Variants in CAPN9 observed in about 807,000 individuals in gnomAD.
The protein encoded by CAPN9 is calpain 9.
A neutral mutation model predicts 92.8 loss-of-function variants in CAPN9; 81 were observed. The observed-to-expected ratio is 0.87, with a 90% confidence interval of 0.73 to 1.05. The LOEUF is 1.05. CAPN9 is among the 50% of genes least tolerant of loss of function. The pLI, the probability that CAPN9 is intolerant of heterozygous loss-of-function variation, is 0.00. For synonymous variants in CAPN9, 304 were observed against 328.0 expected, an observed-to-expected ratio of 0.93 and a Z score of 0.79; for missense variants, 848 against 866.2, an observed-to-expected ratio of 0.98 and a Z score of 0.26.
At chr1:230,772,283 A>G (rs1572045205) in intron 7 of CAPN9, among the ~76,000 whole-genome samples, 184 bp downstream of exon 7, 1 of 152,282 alleles carries the variant, frequency 6.6e-6, no homozygotes, top group East Asian at 1.9e-4. Flanking sequence ...CCTTGCATCA[A>G]GGTTGATTCT....
At chr1:230,798,476 T>C (rs1668486277) in intron 19 of CAPN9, among the ~76,000 whole-genome samples, 1 of 152,230 alleles carries the variant, frequency 6.6e-6, no homozygotes, top group Non-Finnish European at 1.5e-5. Context: ...GAGAGATTAA[T>C]CACCTTGACT....
chr1:230,769,675 ATCT>A (rs1666263483), intron 6 of CAPN9, among the ~76,000 whole-genome samples: 1 of 126,388 alleles, frequency 7.9e-6, no homozygotes, highest in Admixed American at 7.9e-5. Context: ...CTATCTATCT[ATCT>A]ATCTACATCA....
intron 9 of CAPN9, 52 bp from the exon 10 acceptor site, chr1:230,780,127 T>A: frequency 7.8e-7 from 1 of 1,276,586 alleles, no homozygotes; most frequent in Non-Finnish European, 1.1e-6. Context: ...TGTGTGGTCT[T>A]TGTGGGTTGT....
intron 6 of CAPN9, among the ~76,000 whole-genome samples, chr1:230,769,666 T>TATCTATCTATCTATCTATC (rs1666260959): frequency 3.4e-5 from 4 of 118,346 alleles, no homozygotes; most frequent in Admixed American, 7.9e-5. Context: ...TCTATCTATC[T>TATCTATCTATCTATCTATC]ATCTATCTAT....
At chr1:230,782,646 T>C (rs1336813571) in intron 11 of CAPN9, among the ~76,000 whole-genome samples, 2 of 152,074 alleles carry the variant, frequency 1.3e-5, no homozygotes, top group Non-Finnish European at 2.9e-5. Context: ...GAGACACCCA[T>C]CCCTCCCCAA....
intron 2 of CAPN9, among the ~76,000 whole-genome samples, chr1:230,755,826 T>C (rs1665187613): frequency 6.6e-6 from 1 of 152,106 alleles, no homozygotes; most frequent in South Asian, 2.1e-4. Flanking sequence ...GAAGGCTAAG[T>C]AACTTGTCCA....
At chr1:230,787,878 C>CA (rs1328064116) in intron 13 of CAPN9, among the ~76,000 whole-genome samples, 1 of 152,324 alleles carries the variant, frequency 6.6e-6, no homozygotes, top group African/African-American at 2.4e-5. Flanking sequence ...TTGCTTTAGA[C>CA]AGAGTCTCAC....
chr1:230,777,490 C>T (rs1666883374), intron 8 of CAPN9, among the ~76,000 whole-genome samples: 1 of 151,952 alleles, frequency 6.6e-6, no homozygotes, highest in Non-Finnish European at 1.5e-5. Flanking sequence ...CGTATGAATT[C>T]CCCCCTTCTT....
intron 19 of CAPN9, among the ~76,000 whole-genome samples, chr1:230,798,851 C>T (rs1668513205): frequency 6.6e-6 from 1 of 152,202 alleles, no homozygotes; most frequent in South Asian, 2.1e-4. Context: ...TGCAGAGTGC[C>T]AGGCCCTGCC....
intron 4 of CAPN9, among the ~76,000 whole-genome samples, chr1:230,763,752 G>C (rs931139922): frequency 1.3e-5 from 2 of 152,194 alleles, no homozygotes; most frequent in African/African-American, 2.4e-5. Context: ...GGCATACTGT[G>C]GTTAAATTAA....
intron 1 of CAPN9, among the ~76,000 whole-genome samples, chr1:230,751,688 G>A (rs909081073): frequency 6.7e-6 from 1 of 149,196 alleles, no homozygotes; most frequent in Non-Finnish European, 1.5e-5. Flanking sequence ...AGAAAGAAGG[G>A]TGGCTTTTCC....
chr1:230,767,489 G>T, intron 4 of CAPN9, 52 bp from the exon 5 acceptor site: 1 of 1,466,252 alleles, frequency 6.8e-7, no homozygotes, highest in Non-Finnish European at 9.2e-7. Context: ...GGGTGCCCCA[G>T]TGGCCTCCCT....
chr1:230,794,180 A>G (rs1213771967), intron 17 of CAPN9, among the ~76,000 whole-genome samples: 1 of 152,170 alleles, frequency 6.6e-6, no homozygotes, highest in Non-Finnish European at 1.5e-5. Context: ...TTCTAAGGGC[A>G]CTAATTAGAA....
At chr1:230,761,743 C>A (rs578219731) in intron 3 of CAPN9, among the ~76,000 whole-genome samples, 1 of 152,086 alleles carries the variant, frequency 6.6e-6, no homozygotes, top group Non-Finnish European at 1.5e-5. Context: ...ACCTTAGGAT[C>A]GCTCTCAGGC....
rs1209743573 is a variant in CAPN9, at chr1:230,800,238, G to A, written c.2047-1332G>A. Among the ~76,000 whole-genome samples, 14 of 49,526 alleles carry A rather than the reference G, an allele frequency of 2.8e-4. 1 individual carries two copies. The highest frequency in any genetic ancestry group is 9.7e-4 in the African/African-American group (11 of 11,328). The allele number at this position is 49,526 out of a possible 152,430, so 32.5% of individuals were successfully genotyped here. A position where few individuals can be genotyped will look rare whatever the true frequency, so the allele number is the denominator to read the frequency against. On this transcript the variant is annotated intron_variant, in intron 19 of 19. Coordinates refer to ENST00000271971, the MANE Select transcript of CAPN9 (RefSeq NM_006615.3). ...AGAAAAATAAGAAAGAAAGAAGAAAGAAAGAAAGAAAGAAAGAAAGAAAGA... is the reference window on the plus strand; with the variant it reads ...AGAAAAATAAGAAAGAAAGAAGAAAAAAAGAAAGAAAGAAAGAAAGAAAGA...
chr1:230,747,594 G>T lies in CAPN9; in HGVS notation c.98G>T (p.Arg33Met). The stretch of plus-strand genomic sequence containing the variant: ...TCAGGCCAGAGCTTTGAGCAAATGA[G>T]GCAGGAGTGCCTGCAGAGAGGCACC... ...HSSGQSFEQMRQECLQRGTLF... is the reference protein window; with the variant it reads ...HSSGQSFEQMMQECLQRGTLF... Residue 33 changes from arginine (R) to methionine (M), a missense_variant, in exon 1 of 20, where the codon AGG becomes ATG. Arg to Met is a moderately conservative substitution (Grantham distance 91, BLOSUM62 -1). Transcript: ENST00000271971. The T allele has an allele frequency of 6.2e-7, 1 of 1,614,128 alleles. No individual in the cohort carries two copies.
At chr1:230,790,334 T>G (rs921650486) in intron 14 of CAPN9, 145 bp downstream of exon 14, 1 of 1,387,938 alleles carries the variant, frequency 7.2e-7, no homozygotes, top group Admixed American at 3.2e-5. Context: ...GCTTTCATTG[T>G]TTGTTTTCCT....
chr1:230,779,010 G>A lies in CAPN9; in HGVS notation c.991G>A (p.Val331Met). Residue 331 changes from valine to methionine, a missense_variant, in exon 9 of 20, where the codon GTG becomes ATG. Physicochemically the swap from Val to Met is conservative, Grantham distance 21. Coordinates refer to ENST00000271971, the MANE Select transcript of CAPN9 (RefSeq NM_006615.3). ...FKDFKAHFDK[V>M]EICNLTPDAL... ...GGACTTCAAGGCCCACTTTGATAAA[G>A]TGGAGATCTGCAACCTCACTCCCGA... 7 of 1,613,896 alleles carry A rather than the reference G, an allele frequency of 4.3e-6. No individual in the cohort carries two copies. The highest frequency in any genetic ancestry group is 5.9e-6 in the Non-Finnish European group (7 of 1,179,952).
At chr1:230,748,282 G>T (rs1277043069) in intron 1 of CAPN9, among the ~76,000 whole-genome samples, 1 of 152,206 alleles carries the variant, frequency 6.6e-6, no homozygotes, top group African/African-American at 2.4e-5. Flanking sequence ...CGTCCCAAGA[G>T]GCACCAGCTG....
Sources: allele counts gnomAD v4.1 joint callset (sites outside exome capture counted in the v4.1 genomes callset), GRCh38; gene constraint gnomAD v4.1.1; transcripts MANE v1.5; gene names NCBI Gene and HGNC (gene_info 2026-07-23, HGNC 2026-07-21).